IQCM: variants seen among roughly 807,000 people sequenced by gnomAD.
IQCM encodes the protein IQ domain-containing protein M.
In IQCM, 45 loss-of-function variants were observed where a neutral mutation model predicts 57.6. The ratio of observed to expected loss-of-function variants is 0.78; its 90% CI spans 0.62 to 1.00. The LOEUF is 1.00. Among genes scored for constraint, IQCM ranks in the 50% least tolerant of loss-of-function variants. IQCM has a pLI of 0.00. For synonymous variants in IQCM, 148 were observed against 158.9 expected (o/e 0.93, Z 0.51); for missense variants, 468 against 511.6 (o/e 0.91, Z 0.82).
intron 8 of IQCM, among the ~76,000 whole-genome samples, chr4:149,619,103 GATGGATATATAT>G (rs1561067149): frequency 9.6e-6 from 1 of 104,386 alleles, no homozygotes; most frequent in Non-Finnish European, 1.7e-5. Context: ...AAAAATGTGG[GATGGATATATAT>G]ATATATATAT....
intron 5 of IQCM, among the ~76,000 whole-genome samples, chr4:149,722,518 T>C (rs1765537090): frequency 6.6e-6 from 1 of 152,094 alleles, no homozygotes; most frequent in African/African-American, 2.4e-5. Flanking sequence ...GTATCCAATT[T>C]TCCTAGCACC....
At chr4:149,599,455 T>C (rs1754072002) in intron 8 of IQCM, among the ~76,000 whole-genome samples, 1 of 152,104 alleles carries the variant, frequency 6.6e-6, no homozygotes, top group Non-Finnish European at 1.5e-5. Context: ...ATTAAGGAGA[T>C]GTTTCCTCAG....
At chr4:149,611,054 C>G (rs575695952) in intron 8 of IQCM, among the ~76,000 whole-genome samples, 11 of 151,912 alleles carry the variant, frequency 7.2e-5, no homozygotes, top group Non-Finnish European at 1.2e-4. Context: ...GGCAAAATAT[C>G]TGAATAGACA....
intron 13 of IQCM, among the ~76,000 whole-genome samples, chr4:149,432,705 A>T (rs1425125720): frequency 6.6e-6 from 1 of 151,972 alleles, no homozygotes; most frequent in Non-Finnish European, 1.5e-5. Context: ...CAAACTATAC[A>T]CTGGGAGAAA....
intron 12 of IQCM, among the ~76,000 whole-genome samples, chr4:149,447,776 C>G (rs1271677406): frequency 6.6e-6 from 1 of 151,382 alleles, no homozygotes; most frequent in Admixed American, 6.6e-5. Context: ...CTCATAGGTC[C>G]AAGAAGCTCA....
intron 7 of IQCM, among the ~76,000 whole-genome samples, chr4:149,677,567 T>C (rs901807443): frequency 6.6e-6 from 1 of 151,836 alleles, no homozygotes; most frequent in Non-Finnish European, 1.5e-5. Context: ...AAGACAACAA[T>C]AAATAAAATA....
At chr4:149,810,375 A>G (rs1356815773) in intron 2 of IQCM, among the ~76,000 whole-genome samples, 2 of 151,972 alleles carry the variant, frequency 1.3e-5, no homozygotes, top group Non-Finnish European at 2.9e-5. Flanking sequence ...AAAAAAAAAA[A>G]AAAAAGAAAA....
At chr4:149,393,858 A>G (rs957380064) in intron 13 of IQCM, among the ~76,000 whole-genome samples, 2 of 152,038 alleles carry the variant, frequency 1.3e-5, no homozygotes, top group Admixed American at 1.3e-4. Flanking sequence ...ATTTCTGGAA[A>G]AAGGATTCCA....
At chr4:149,805,872 T>C (rs1774033045) in intron 2 of IQCM, among the ~76,000 whole-genome samples, 1 of 152,136 alleles carries the variant, frequency 6.6e-6, no homozygotes, top group Non-Finnish European at 1.5e-5. Flanking sequence ...ATTGTGAATA[T>C]GCATGTAACA....
At chr4:149,498,843 G>C (rs543204410) in intron 12 of IQCM, among the ~76,000 whole-genome samples, 1 of 152,202 alleles carries the variant, frequency 6.6e-6, no homozygotes, top group African/African-American at 2.4e-5. Flanking sequence ...AAGCCCACCG[G>C]TTTGGGTTAG....
At position 149,369,014 on chromosome 4, in the gene IQCM, G is replaced by GTATATATATATATATATACACGTGTA. The variant is rs59034048; in HGVS notation, c.1391-16949_1391-16948insTACACGTGTATATATATATATATATA. ...CGTGTATATATATATATATACACGT[G>GTATATATATATATATATACACGTGTA]TATATATATATATATACATGTGTAT... On this transcript the variant is annotated intron_variant, in intron 13 of 13. Transcript: ENST00000636793. Among the ~76,000 whole-genome samples the GTATATATATATATATATACACGTGTA allele has an allele frequency of 1.1e-4, 6 of 53,850 alleles. 1 individual carries two copies. In the South Asian group the frequency reaches 1.7e-3, roughly 15 times the overall value. The allele number at this position is 53,850 out of a possible 152,430, so 35.3% of individuals were successfully genotyped here.
intron 13 of IQCM, among the ~76,000 whole-genome samples, chr4:149,377,644 T>C (rs528042859): frequency 6.6e-6 from 1 of 152,244 alleles, no homozygotes; most frequent in Admixed American, 6.6e-5. Flanking sequence ...CCAGATTTGA[T>C]GGGGAAAGGG....
intron 2 of IQCM, among the ~76,000 whole-genome samples, chr4:149,757,658 T>C (rs1487966843): frequency 6.6e-6 from 1 of 152,096 alleles, no homozygotes; most frequent in African/African-American, 2.4e-5. Flanking sequence ...CATACGTACC[T>C]AACAAAATAG....
At chr4:149,440,500 A>T (rs1467865005) in intron 12 of IQCM, among the ~76,000 whole-genome samples, 1 of 152,148 alleles carries the variant, frequency 6.6e-6, no homozygotes, top group Non-Finnish European at 1.5e-5. Flanking sequence ...TACTATTTAA[A>T]TCCCTAAGAA....
At chr4:149,555,280 T>C (rs940316225) in intron 10 of IQCM, among the ~76,000 whole-genome samples, 1 of 152,190 alleles carries the variant, frequency 6.6e-6, no homozygotes, top group South Asian at 2.1e-4. Context: ...TCCCTACATA[T>C]GAATCTTAGT....
At chr4:149,752,699 C>T (rs1768571219) in intron 2 of IQCM, among the ~76,000 whole-genome samples, 1 of 152,120 alleles carries the variant, frequency 6.6e-6, no homozygotes, top group African/African-American at 2.4e-5. Flanking sequence ...GGATGCTGTT[C>T]CAGCTCCCAG....
At chr4:149,361,719 C>G (rs572005639) in intron 13 of IQCM, among the ~76,000 whole-genome samples, 1 of 152,146 alleles carries the variant, frequency 6.6e-6, no homozygotes, top group Non-Finnish European at 1.5e-5. Context: ...GAAGCCCAGA[C>G]AAAAGTTTGC....
At chr4:149,461,963 T>C (rs956873415) in intron 12 of IQCM, among the ~76,000 whole-genome samples, 30 of 152,096 alleles carry the variant, frequency 2.0e-4, no homozygotes, top group Non-Finnish European at 3.8e-4. Flanking sequence ...TACTGGTCTG[T>C]GGCCTGGGGG....
At chr4:149,749,231 C>G (rs1768208651) in intron 2 of IQCM, among the ~76,000 whole-genome samples, 1 of 152,076 alleles carries the variant, frequency 6.6e-6, no homozygotes, top group African/African-American at 2.4e-5. Flanking sequence ...TAATGTATAC[C>G]AAAAGGCACA....
Sources: allele counts gnomAD v4.1 joint callset (sites outside exome capture counted in the v4.1 genomes callset), GRCh38; gene constraint gnomAD v4.1.1; transcripts MANE v1.5; gene names NCBI Gene and HGNC (gene_info 2026-07-23, HGNC 2026-07-21).